Variants in ERICH6B observed in about 807,000 individuals in gnomAD.
ERICH6B encodes the protein glutamate rich 6B.
ERICH6B carries 69 observed loss-of-function variants against 80.0 expected under a neutral mutation model. The ratio of observed to expected loss-of-function variants is 0.86; its 90% CI spans 0.71 to 1.05. The LOEUF (loss-of-function observed/expected upper bound fraction) is 1.05, where lower values mean the gene tolerates loss of function less well. Ranked by LOEUF, ERICH6B falls within the 50% of genes least tolerant of loss-of-function variation. The pLI is 0.00. For missense variants in ERICH6B, 754 were observed against 796.1 expected (o/e 0.95, Z 0.64); for synonymous variants, 283 against 291.9 (o/e 0.97, Z 0.31).
At chr13:45,604,765 A>T (rs1949847635) in intron 2 of ERICH6B, among the ~76,000 whole-genome samples, 1 of 152,112 alleles carries the variant, frequency 6.6e-6, no homozygotes, top group African/African-American at 2.4e-5. Flanking sequence ...TCTCTAAAAA[A>T]AACCTAAAAA....
chr13:45,577,751 C>T (rs1290282488), intron 7 of ERICH6B, among the ~76,000 whole-genome samples: 2 of 152,104 alleles, frequency 1.3e-5, no homozygotes, highest in Non-Finnish European at 2.9e-5. Context: ...CACCACCATG[C>T]CTGATTAATT....
intron 5 of ERICH6B, among the ~76,000 whole-genome samples, chr13:45,583,914 A>G (rs1875784020): frequency 1.3e-5 from 2 of 152,150 alleles, no homozygotes; most frequent in South Asian, 4.1e-4. Context: ...CTAATACACC[A>G]TCTGACCTCT....
intron 13 of ERICH6B, among the ~76,000 whole-genome samples, chr13:45,548,568 G>C (rs983353653): frequency 6.6e-6 from 1 of 152,168 alleles, no homozygotes; most frequent in Admixed American, 6.5e-5. Context: ...ACTTTTGCAG[G>C]GGTGAGGGGT....
At chr13:45,549,335 G>A (rs1365153758) in intron 13 of ERICH6B, among the ~76,000 whole-genome samples, 1 of 151,948 alleles carries the variant, frequency 6.6e-6, no homozygotes, top group African/African-American at 2.4e-5. Flanking sequence ...CTTAGAAGAG[G>A]GAGGGAAGGA....
At chr13:45,546,795 C>T (rs1171150286) in intron 13 of ERICH6B, among the ~76,000 whole-genome samples, 2 of 152,264 alleles carry the variant, frequency 1.3e-5, no homozygotes, top group Admixed American at 6.5e-5. Flanking sequence ...GGGGCCTCAT[C>T]GGAGTGAGAA....
intron 2 of ERICH6B, among the ~76,000 whole-genome samples, chr13:45,604,568 A>G (rs546939744): frequency 6.6e-6 from 1 of 152,346 alleles, no homozygotes; most frequent in South Asian, 2.1e-4. Flanking sequence ...AGAAGAGTTT[A>G]CAGTCTTCAT....
At chr13:45,553,608 C>A (rs1874313736) in intron 11 of ERICH6B, among the ~76,000 whole-genome samples, 1 of 152,108 alleles carries the variant, frequency 6.6e-6, no homozygotes, top group Non-Finnish European at 1.5e-5. Flanking sequence ...GCATACTGAC[C>A]TTACAAAATA....
intron 13 of ERICH6B, 24 bp downstream of exon 13, chr13:45,549,869 T>C: frequency 6.5e-7 from 1 of 1,545,702 alleles, no homozygotes; most frequent in Non-Finnish European, 8.7e-7. Context: ...GCAGGAGTGT[T>C]AGGGACTCAT....
intron 1 of ERICH6B, among the ~76,000 whole-genome samples, chr13:45,614,380 T>C (rs1371333253): frequency 2.6e-5 from 4 of 152,118 alleles, no homozygotes; most frequent in Non-Finnish European, 4.4e-5. Flanking sequence ...GCCTCACCCA[T>C]GAGACTGTAG....
intron 1 of ERICH6B, among the ~76,000 whole-genome samples, chr13:45,614,835 T>A (rs1949918647): frequency 6.6e-6 from 1 of 152,256 alleles, no homozygotes; most frequent in Non-Finnish European, 1.5e-5. Flanking sequence ...CTCTCCCCCA[T>A]GAGGGGAACA....
chr13:45,541,764 A>C, intron 14 of ERICH6B, 84 bp from the exon 15 acceptor site: 1 of 1,289,706 alleles, frequency 7.8e-7, no homozygotes. Context: ...TCCTGTGGCC[A>C]GGACCAAGCG....
chr13:45,565,980 G>T (rs1874895856), intron 9 of ERICH6B, among the ~76,000 whole-genome samples: 1 of 152,184 alleles, frequency 6.6e-6, no homozygotes, highest in Non-Finnish European at 1.5e-5. Flanking sequence ...TGCCCAAAAT[G>T]CTGACAAAAA....
rs114108864 is a variant in ERICH6B, at chr13:45,557,375, T to G, written c.1407+3994A>C. On this transcript the variant is annotated intron_variant, in intron 11 of 14. Transcript: ENST00000298738. ...ATTGTGAAGATTTTCTCCTACTCTG[T>G]GGGTTGTCCTTTTACTCTGCTGACT... is the stretch of plus-strand genomic sequence containing the variant. Among the ~76,000 whole-genome samples the G allele has an allele frequency of 5.3e-3, 803 of 152,310 alleles. 5 individuals are homozygous for G. Among genetic ancestry groups the G allele is most frequent in the African/African-American group, 0.018 (756 of 41,550 alleles).
chr13:45,596,889 A>T lies in ERICH6B; in HGVS notation c.117T>A (p.Asp39Glu). 6.4e-7 allele frequency: 1 copy of T among 1,551,764 alleles called. No homozygotes were observed. The highest frequency in any genetic ancestry group is 8.7e-7 in the Non-Finnish European group (1 of 1,147,010). Residue 39 changes from aspartate to glutamate, a missense_variant, in exon 3 of 15, where the codon GAT (aspartate) becomes GAA (glutamate). By Grantham distance (45) the Asp-to-Glu change is conservative. Coordinates refer to ENST00000298738, the MANE Select transcript of ERICH6B (RefSeq NM_182542.3). ...SEKEDTEVEL[D>E]EESLQDESPF... is the part of the protein sequence containing the mutation. The stretch of plus-strand genomic sequence containing the variant: ...GAGATTCATCCTGTAGACTTTCCTC[A>T]TCTAGTTCTACTTCAGTATCCTCTT...
At chr13:45,593,309 T>C (rs1056636568) in intron 3 of ERICH6B, among the ~76,000 whole-genome samples, 1 of 152,122 alleles carries the variant, frequency 6.6e-6, no homozygotes, top group Non-Finnish European at 1.5e-5. Flanking sequence ...GCCTGTTTCA[T>C]TGTGTCTCAT....
At chr13:45,590,768 T>C in intron 3 of ERICH6B, 71 bp from the exon 4 acceptor site, 1 of 1,358,808 alleles carries the variant, frequency 7.4e-7, no homozygotes, top group Non-Finnish European at 1.0e-6. Context: ...AAATACGTTG[T>C]TAAGTACGTG....
chr13:45,580,627 T>C lies in ERICH6B; in HGVS notation c.895A>G (p.Thr299Ala). 6.4e-7 allele frequency: 1 copy of C among 1,551,686 alleles called. No individual in the cohort carries two copies. Among genetic ancestry groups the C allele is most frequent in the Non-Finnish European group, 8.7e-7 (1 of 1,146,990 alleles). ...LKSKSETEQE[T>A]TTKLAPEEHV... is the part of the protein sequence containing the mutation. ...CCTTCCGGAGCCAGCTTCGTGGTGG[T>C]TTCTTGCTCTGTTTCTGATTTCGAT... is the stretch of plus-strand genomic sequence containing the variant. The change falls in exon 6 of 15, where the codon ACC becomes GCC. Residue 299 changes from threonine (T) to alanine (A), a missense_variant. Thr to Ala is a moderately conservative substitution (Grantham distance 58, BLOSUM62 0). Transcript: ENST00000298738.
chr13:45,567,861 C>A (rs1874984289), intron 9 of ERICH6B, among the ~76,000 whole-genome samples: 1 of 152,218 alleles, frequency 6.6e-6, no homozygotes, highest in Admixed American at 6.5e-5. Flanking sequence ...CTTCAGGATG[C>A]ATGGAAAAGC....
intron 13 of ERICH6B, among the ~76,000 whole-genome samples, chr13:45,546,941 G>A (rs893625296): frequency 1.3e-5 from 2 of 152,100 alleles, no homozygotes; most frequent in Non-Finnish European, 2.9e-5. Context: ...CCTTTGTCTT[G>A]GGACCCCAGC....
Sources: gnomAD v4.1 joint callset for allele counts (sites outside exome capture counted in the v4.1 genomes callset) on GRCh38, gnomAD v4.1.1 for gene constraint, MANE v1.5 for transcripts, NCBI Gene and HGNC (gene_info 2026-07-23, HGNC 2026-07-21) for gene names.